The following MTERF4 variants were observed in gnomAD, a reference collection of about 807,000 sequenced individuals.
MTERF4 encodes transcription termination factor 4, mitochondrial.
Under a neutral mutation model 22.5 loss-of-function variants are expected in MTERF4, and 17 were observed. The observed-to-expected ratio is 0.75, with a 90% confidence interval of 0.52 to 1.13. MTERF4 has a LOEUF of 1.13. MTERF4 is among the 50% of genes most tolerant of loss of function. The pLI is 0.00. For synonymous variants in MTERF4, 165 were observed against 175.3 expected, an observed-to-expected ratio of 0.94 and a Z score of 0.47; for missense variants, 420 against 466.8, an observed-to-expected ratio of 0.90 and a Z score of 0.92.
chr2:241,076,973 G>A (rs898721957), intron 4 of MTERF4, among the ~76,000 whole-genome samples: 3 of 152,146 alleles, frequency 2.0e-5, no homozygotes, highest in Non-Finnish European at 4.4e-5. Flanking sequence ...CAGCTACTCC[G>A]GAGGCTGAGG....
downstream of MTERF4, chr2:241,094,814 A>G (rs2064288663): frequency 6.1e-6 from 1 of 164,688 alleles, no homozygotes; most frequent in South Asian, 1.5e-4. The surrounding 1 kb of genome is among the most constrained non-coding windows in gnomAD (Gnocchi z 4.3). Context: ...AATGCTACCA[A>G]GGAGACTTGA....
chr2:241,091,141 T>TTA (rs34352272), downstream of MTERF4, among the ~76,000 whole-genome samples: 24,872 of 152,092 alleles, frequency 0.16, 3,189 homozygotes, highest in East Asian at 0.35. This position sits in a 1 kb window ranked among gnomAD's most constrained non-coding sequence, Gnocchi z 4.1. Flanking sequence ...AAATACTGAC[T>TTA]TATAGAATAC....
At chr2:241,054,419 A>G in the MTERF4 span, among the ~76,000 whole-genome samples, 1 of 152,170 alleles carries the variant, frequency 6.6e-6, no homozygotes, top group Non-Finnish European at 1.5e-5. Context: ...AAATTTAAAA[A>G]CTAGCCCGGC....
downstream of MTERF4, chr2:241,093,802 T>C (rs1235996319): frequency 6.6e-6 from 1 of 152,442 alleles, no homozygotes; most frequent in Non-Finnish European, 1.5e-5. Flanking sequence ...TGTGGCTTCT[T>C]TTAAAAACTC....
downstream of MTERF4, chr2:241,088,394 A>C: frequency 6.2e-7 from 1 of 1,612,290 alleles, no homozygotes; most frequent in Non-Finnish European, 8.5e-7. Context: ...ACACTGGAGA[A>C]ATCTTAAGGT....
chr2:241,051,760 C>A, the MTERF4 span: 1 of 1,529,060 alleles, frequency 6.5e-7, no homozygotes, highest in Non-Finnish European at 8.8e-7. This position sits in a 1 kb window ranked among gnomAD's most constrained non-coding sequence, Gnocchi z 4.7. Flanking sequence ...CACACCTGTG[C>A]AGCTCAGGGC....
downstream of MTERF4, chr2:241,088,637 G>A (rs1289779493): frequency 3.6e-6 from 2 of 549,746 alleles, no homozygotes; most frequent in Non-Finnish European, 6.4e-6. Context: ...GTGGAAATGA[G>A]GCTCTCTGTG....
chr2:241,052,191 AG>A, the MTERF4 span: 12 of 1,574,838 alleles, frequency 7.6e-6, no homozygotes, highest in South Asian at 6.6e-5. Flanking sequence ...CAGGGCGGCC[AG>A]GGGTGAACCC....
At chr2:241,082,300 T>C, downstream of MTERF4, 1 of 1,613,264 alleles carries the variant, frequency 6.2e-7, no homozygotes, top group Non-Finnish European at 8.5e-7. Context: ...GTCCCGCCCC[T>C]GCACAAGGCT....
At chr2:241,058,803 A>G in the MTERF4 span, among the ~76,000 whole-genome samples, 1 of 152,148 alleles carries the variant, frequency 6.6e-6, no homozygotes, top group Admixed American at 6.6e-5. Flanking sequence ...ACAAAAAATT[A>G]GCTGGGCGAG....
Position 241,097,229 on chromosome 2 carries a change from T to C in MTERF4, c.705+14A>G. 6.2e-7 allele frequency: 1 copy of C among 1,613,040 alleles called. No homozygotes were observed. The highest frequency in any genetic ancestry group is 8.5e-7 in the Non-Finnish European group (1 of 1,179,434). On this transcript the variant is annotated intron_variant, in intron 3 of 3. Transcript: ENST00000391980. ...ACCTGAAACTACGCTAATCACGCTA[T>C]CAGTCATTCTCACCTGAAACTTGTA...
chr2:241,061,758 G>A, the MTERF4 span, among the ~76,000 whole-genome samples: 24,263 of 151,094 alleles, frequency 0.16, 2,609 homozygotes, highest in Non-Finnish European at 0.24. Context: ...GGTGGTGGGC[G>A]CCTTTAGTCC....
downstream of MTERF4, chr2:241,071,279 C>G: frequency 2.1e-6 from 1 of 483,054 alleles, no homozygotes; most frequent in Non-Finnish European, 3.8e-6. Flanking sequence ...CCCTTGAGAA[C>G]TTGAGTGACG....
the MTERF4 span, chr2:241,065,000 T>TC: frequency 2.1e-6 from 3 of 1,438,522 alleles, no homozygotes; most frequent in South Asian, 2.6e-5. This position sits in a 1 kb window ranked among gnomAD's most constrained non-coding sequence, Gnocchi z 7.0. Flanking sequence ...CACGAGGGGG[T>TC]CCCCTCTCCC....
At chr2:241,055,722 C>T in the MTERF4 span, among the ~76,000 whole-genome samples, 1 of 152,210 alleles carries the variant, frequency 6.6e-6, no homozygotes, top group African/African-American at 2.4e-5. Flanking sequence ...TCAGCACCTA[C>T]CAGGTCTCAC....
intron 2 of MTERF4, among the ~76,000 whole-genome samples, chr2:241,097,690 C>T (rs1490669008): frequency 6.6e-6 from 1 of 152,174 alleles, no homozygotes; most frequent in Non-Finnish European, 1.5e-5. Flanking sequence ...CTGAAAGGTG[C>T]CAACTTTGTA....
Position 241,073,558 on chromosome 2 carries a change from C to T in MTERF4, n.2604G>A, listed in dbSNP as rs1047008144. On this transcript the variant is annotated non_coding_transcript_exon_variant, in exon 5 of 5. Transcript: ENST00000464344. This position sits in a 1 kb window ranked among gnomAD's most constrained non-coding sequence, Gnocchi z 6.6. ...ACACCACCCAAGCAGTGGGACCCCA[C>T]AGACGGGAACAGGCCAGGGGGCAGG... 13 of 629,408 alleles carry T rather than the reference C, an allele frequency of 2.1e-5. No homozygotes were observed. Among genetic ancestry groups the T allele is most frequent in the Non-Finnish European group, 3.8e-5 (13 of 344,856 alleles). The allele number at this position is 629,408 out of a possible 1,614,324, so 39.0% of individuals were successfully genotyped here. A position where few individuals can be genotyped will look rare whatever the true frequency, so the allele number is the denominator to read the frequency against.
downstream of MTERF4, chr2:241,082,158 C>G: frequency 1.3e-6 from 1 of 760,598 alleles, no homozygotes; most frequent in South Asian, 1.8e-5. Context: ...CCCACCATCC[C>G]GCCTTGGAGG....
chr2:241,094,168 T>C, downstream of MTERF4: 1 of 378,178 alleles, frequency 2.6e-6, no homozygotes, highest in Admixed American at 3.6e-5. This position sits in a 1 kb window ranked among gnomAD's most constrained non-coding sequence, Gnocchi z 4.3. Flanking sequence ...CTCTCCCTTT[T>C]CCCCATTGCG....
Sources: allele counts gnomAD v4.1 joint callset (sites outside exome capture counted in the v4.1 genomes callset), GRCh38; gene constraint gnomAD v4.1.1; non-coding constraint Gnocchi (gnomAD v3.1); transcripts MANE v1.5; gene names NCBI Gene and HGNC (gene_info 2026-07-23, HGNC 2026-07-21).